The following FYN variants were observed in gnomAD, a reference collection of about 807,000 sequenced individuals.
The protein encoded by FYN is FYN proto-oncogene, Src family tyrosine kinase, also known as tyrosine-protein kinase Fyn.
A neutral mutation model predicts 70.2 loss-of-function variants in FYN; 10 were observed. The observed-to-expected ratio is 0.14, with a 90% CI of 0.09 to 0.24. The LOEUF (loss-of-function observed/expected upper bound fraction) is 0.24, where lower values mean the gene tolerates loss of function less well. Ranked by LOEUF, FYN falls within the 10% of genes least tolerant of loss-of-function variation. The pLI is 1.00. For synonymous variants in FYN, 236 were observed against 248.6 expected (o/e 0.95, Z 0.48); for missense variants, 319 against 673.1 (o/e 0.47, Z 5.82).
intron 2 of FYN, among the ~76,000 whole-genome samples, chr6:111,822,252 T>A (rs1772688090): frequency 6.6e-6 from 1 of 152,178 alleles, no homozygotes; most frequent in Admixed American, 6.5e-5. Flanking sequence ...AATGATAGAT[T>A]GGATGAAGAA....
intron 2 of FYN, among the ~76,000 whole-genome samples, chr6:111,810,936 T>A (rs1657774712): frequency 6.6e-6 from 1 of 152,242 alleles, no homozygotes; most frequent in Non-Finnish European, 1.5e-5. Flanking sequence ...AAAATATTTC[T>A]ACAATGCATC....
chr6:111,812,284 C>CG (rs1562530269), intron 2 of FYN, among the ~76,000 whole-genome samples: 1 of 152,110 alleles, frequency 6.6e-6, no homozygotes, highest in Non-Finnish European at 1.5e-5. Flanking sequence ...GGGCAGATGG[C>CG]GATGCTTCAG....
chr6:111,780,043 C>G (rs1055875010), intron 3 of FYN, among the ~76,000 whole-genome samples: 1 of 152,302 alleles, frequency 6.6e-6, no homozygotes, highest in Admixed American at 6.5e-5. Flanking sequence ...TCCCTGCTAG[C>G]AAGGTCTGGG....
At chr6:111,849,002 G>A (rs911336403) in intron 1 of FYN, among the ~76,000 whole-genome samples, 2 of 152,186 alleles carry the variant, frequency 1.3e-5, no homozygotes, top group East Asian at 3.8e-4. Flanking sequence ...ACCCCCGTGT[G>A]TGTGTGCATG....
At chr6:111,759,396 T>G (rs532790482) in intron 3 of FYN, among the ~76,000 whole-genome samples, 20 of 152,264 alleles carry the variant, frequency 1.3e-4, no homozygotes, top group African/African-American at 4.6e-4. Context: ...GTCTCATCCT[T>G]AAGAGCAAAG....
In FYN at chr6:111,664,053, G is replaced by C. The variant is rs867365982; in HGVS notation, c.1406-2106C>G. 4.4e-4 allele frequency among the ~76,000 whole-genome samples: 67 copies of C among 152,288 alleles called. 1 individual carries two copies. The highest frequency in any genetic ancestry group is 6.8e-3 in the Middle Eastern group (2 of 292). ...TGGCCACAAAACCTGAACTGATTAC[G>C]AGGCTATTTACTGTTTTTATTTCTT... On this transcript the variant is annotated intron_variant, in intron 13 of 13. Coordinates refer to ENST00000354650, the MANE Select transcript of FYN (RefSeq NM_002037.5).
chr6:111,784,086 A>G (rs1583440852), intron 2 of FYN, among the ~76,000 whole-genome samples: 1 of 152,210 alleles, frequency 6.6e-6, no homozygotes, highest in Non-Finnish European at 1.5e-5. Flanking sequence ...CTTTGGGAGA[A>G]GCTCCCTCCT....
intron 3 of FYN, among the ~76,000 whole-genome samples, chr6:111,763,063 A>T (rs1426022818): frequency 6.6e-6 from 1 of 152,216 alleles, no homozygotes; most frequent in African/African-American, 2.4e-5. Context: ...TCAACTCTTC[A>T]GGCAAAGCTT....
intron 1 of FYN, among the ~76,000 whole-genome samples, chr6:111,869,873 T>C (rs186570775): frequency 1.1e-4 from 17 of 152,306 alleles, no homozygotes; most frequent in African/African-American, 4.1e-4. Flanking sequence ...ATTTGAAACA[T>C]AAAATTTGAA....
intron 4 of FYN, among the ~76,000 whole-genome samples, chr6:111,715,300 C>T (rs967547497): frequency 1.2e-4 from 18 of 151,412 alleles, no homozygotes; most frequent in African/African-American, 3.9e-4. Flanking sequence ...AGGCTGGTCT[C>T]GAATTCCTGG....
rs977560913 is a variant in FYN, at chr6:111,666,889, T to G, written c.1406-4942A>C. Among the ~76,000 whole-genome samples, 3 of 152,168 alleles carry G rather than the reference T, an allele frequency of 2.0e-5. No individual in the cohort carries two copies. The East Asian group carries it at 5.8e-4, about 30-fold the overall frequency. On this transcript the variant is annotated intron_variant, in intron 13 of 13. Coordinates refer to ENST00000354650, the MANE Select transcript of FYN (RefSeq NM_002037.5). ...TCTTTCCCAGAGCCTCCATGGAACA[T>G]CTCCTTGTCAACTCAGATTTTAGGC...
In FYN at chr6:111,694,427, A is replaced by G; in HGVS notation, c.1221T>C (p.Ala407=). 1 of 1,614,234 alleles carries G rather than the reference A, an allele frequency of 6.2e-7. No individual in the cohort carries two copies. Among genetic ancestry groups the G allele is most frequent in the Non-Finnish European group, 8.5e-7 (1 of 1,180,032 alleles). The change falls in exon 12 of 14, where the codon GCT becomes GCC. Residue 407 remains alanine, a synonymous_variant. Coordinates refer to ENST00000354650, the MANE Select transcript of FYN (RefSeq NM_002037.5). This position sits in a 1 kb window ranked among gnomAD's most constrained non-coding sequence, Gnocchi z 5.0. Reference sequence around the variant, plus strand: ...CTATCAATCGGGCCAATCCGAAGTCAGCAATCTTGCATATGAGTCCATTCC... The same window carrying G: ...CTATCAATCGGGCCAATCCGAAGTCGGCAATCTTGCATATGAGTCCATTCC... ...LVGNGLICKI[A]DFGLARLIED...
At chr6:111,842,812 T>G (rs1327220610) in intron 2 of FYN, among the ~76,000 whole-genome samples, 1 of 152,146 alleles carries the variant, frequency 6.6e-6, no homozygotes, top group Non-Finnish European at 1.5e-5. Context: ...ACTAAGAATC[T>G]AGGAGGTTTT....
chr6:111,867,590 C>T (rs1429944280), intron 1 of FYN, among the ~76,000 whole-genome samples: 1 of 152,030 alleles, frequency 6.6e-6, no homozygotes, highest in Non-Finnish European at 1.5e-5. Flanking sequence ...AGATACCTGC[C>T]CCCTGCTTTC....
rs529085395 is a variant in FYN at position 111,794,775 on chromosome 6, G to A, written c.-81-14140C>T. ...ACACAACAGCAGAATTGTCTTGATA[G>A]AGACTGTATGGCCCGCAAAGATGAA... is the stretch of plus-strand genomic sequence containing the variant. On this transcript the variant is annotated intron_variant, in intron 2 of 13. Transcript: ENST00000354650. Among the ~76,000 whole-genome samples the A allele has an allele frequency of 1.4e-3, 210 of 152,314 alleles. 1 individual carries two copies. Among genetic ancestry groups the A allele is most frequent in the African/African-American group, 4.9e-3 (205 of 41,562 alleles).
chr6:111,832,356 G>A (rs1279304010), intron 2 of FYN, among the ~76,000 whole-genome samples: 8 of 152,154 alleles, frequency 5.3e-5, no homozygotes, highest in Admixed American at 2.0e-4. Flanking sequence ...CTAATATACA[G>A]AAATGCAATT....
intron 1 of FYN, among the ~76,000 whole-genome samples, chr6:111,848,541 C>T (rs954423894): frequency 3.9e-5 from 6 of 152,158 alleles, no homozygotes; most frequent in African/African-American, 9.7e-5. Flanking sequence ...TTCAGGCTTA[C>T]GAAACAGATG....
At chr6:111,767,980 C>T (rs1203971459) in intron 3 of FYN, among the ~76,000 whole-genome samples, 3 of 152,220 alleles carry the variant, frequency 2.0e-5, no homozygotes, top group Non-Finnish European at 2.9e-5. Context: ...AGGCAGCACA[C>T]TTTTCACTTC....
chr6:111,743,455 A>G (rs1802072059), intron 3 of FYN, among the ~76,000 whole-genome samples: 1 of 152,200 alleles, frequency 6.6e-6, no homozygotes. Context: ...ACTTTGAGTA[A>G]TTCTGGCGAC....
Sources: gnomAD v4.1 joint callset for allele counts (sites outside exome capture counted in the v4.1 genomes callset) on GRCh38, gnomAD v4.1.1 for gene constraint, Gnocchi (gnomAD v3.1) non-coding constraint, MANE v1.5 for transcripts, NCBI Gene and HGNC (gene_info 2026-07-23, HGNC 2026-07-21) for gene names.